KIAA1143: variants seen among roughly 807,000 people sequenced by gnomAD.
KIAA1143 encodes the protein uncharacterized protein KIAA1143.
In KIAA1143, 8 loss-of-function variants were observed where a neutral mutation model predicts 17.0. That is an observed-to-expected ratio of 0.47 (90% CI 0.28 to 0.85). The LOEUF is 0.85. KIAA1143 is among the 40% of genes least tolerant of loss of function. KIAA1143 has a pLI of 0.12. For missense variants in KIAA1143, 162 were observed against 183.3 expected (o/e 0.88, Z 0.67); for synonymous variants, 64 against 67.8 (o/e 0.94, Z 0.27).
chr3:44,756,120 G>C (rs1220999521), intron 1 of KIAA1143, among the ~76,000 whole-genome samples: 1 of 152,152 alleles, frequency 6.6e-6, no homozygotes, highest in Non-Finnish European at 1.5e-5. Flanking sequence ...CATTCCTTTT[G>C]TTTGTTAAAT....
chr3:44,755,868 C>T (rs1704960935), intron 1 of KIAA1143, among the ~76,000 whole-genome samples: 1 of 152,166 alleles, frequency 6.6e-6, no homozygotes, highest in South Asian at 2.1e-4. Context: ...CATGAATGAC[C>T]AACAGAATGG....
Position 44,749,600 on chromosome 3 carries a change from C to G in KIAA1143, c.*3741G>C, listed in dbSNP as rs965795523. 6.6e-6 allele frequency: 1 copy of G among 152,084 alleles called. No individual in the cohort carries two copies. Among genetic ancestry groups the G allele is most frequent in the Non-Finnish European group, 1.5e-5 (1 of 68,018 alleles). The allele number at this position is 152,084 out of a possible 1,614,324, so 9.4% of individuals were successfully genotyped here. ...GCTCAGACTTTAAAGTGCTTCCCCTCCCTTCCCTACCCCAACATTTGGAGA... is the reference window on the plus strand; with the variant it reads ...GCTCAGACTTTAAAGTGCTTCCCCTGCCTTCCCTACCCCAACATTTGGAGA... On this transcript the variant is annotated 3_prime_UTR_variant, in exon 3 of 3. Coordinates refer to ENST00000296121, the MANE Select transcript of KIAA1143 (RefSeq NM_020696.4).
chr3:44,756,387 C>A (rs1389589020), intron 1 of KIAA1143, among the ~76,000 whole-genome samples: 4 of 151,984 alleles, frequency 2.6e-5, no homozygotes, highest in Admixed American at 1.3e-4. Flanking sequence ...ATGGTGAAAC[C>A]CCCCGTCTCT....
At chr3:44,761,442 G>C (rs1575562204) in intron 1 of KIAA1143, 53 bp downstream of exon 1, 1 of 1,469,840 alleles carries the variant, frequency 6.8e-7, no homozygotes, top group Admixed American at 1.8e-5. Context: ...GGCAAAAGTT[G>C]AAAGTGGCGG....
chr3:44,758,768 T>C (rs966697580), intron 1 of KIAA1143, among the ~76,000 whole-genome samples: 2 of 152,178 alleles, frequency 1.3e-5, no homozygotes, highest in Non-Finnish European at 2.9e-5. Context: ...GTGTTTAGAA[T>C]GGTGAAGCCT....
intron 1 of KIAA1143, among the ~76,000 whole-genome samples, chr3:44,757,739 G>A (rs534289237): frequency 1.1e-4 from 17 of 152,244 alleles, no homozygotes; most frequent in Non-Finnish European, 2.2e-4. Flanking sequence ...GGGTTTCGGA[G>A]AGATGGTAAC....
Position 44,759,894 on chromosome 3 carries a change from CAAAAAAA to C in KIAA1143, c.108+1594_108+1600del, listed in dbSNP as rs527806223. 2.4e-3 allele frequency among the ~76,000 whole-genome samples: 123 copies of C among 51,112 alleles called. 8 individuals are homozygous for C. In the East Asian group the frequency reaches 0.092, roughly 38 times the overall value. The allele number at this position is 51,112 out of a possible 152,430, so 33.5% of individuals were successfully genotyped here. On this transcript the variant is annotated intron_variant, in intron 1 of 2. Coordinates refer to ENST00000296121, the MANE Select transcript of KIAA1143 (RefSeq NM_020696.4). ...TGGGCGACAGAGTGAGACCCTATCT[CAAAAAAA>C]AAAAAAAAAAAAAAGTCCTAGATGG...
At chr3:44,753,681 T>C (rs1421333285) in intron 2 of KIAA1143, 129 bp from the exon 3 acceptor site, 11 of 914,732 alleles carry the variant, frequency 1.2e-5, no homozygotes, top group Non-Finnish European at 1.4e-5. Context: ...TCTGGTCTTC[T>C]CCATTGTTTC....
Position 44,751,381 on chromosome 3 carries a change from A to G in KIAA1143, c.*1960T>C, listed in dbSNP as rs533036610. 247 of 152,332 alleles carry G rather than the reference A, an allele frequency of 1.6e-3. 2 individuals carry two copies. The highest frequency in any genetic ancestry group is 5.8e-3 in the African/African-American group (240 of 41,574). 9.4% of individuals were successfully genotyped at this position (152,332 alleles called of 1,614,324 possible). Reference sequence around the variant, plus strand: ...CTATCCTATTACCAACGCTTGTCCAAGGATTTTATGGAAAGCCTGGATAAC... The same window carrying G: ...CTATCCTATTACCAACGCTTGTCCAGGGATTTTATGGAAAGCCTGGATAAC... On this transcript the variant is annotated 3_prime_UTR_variant, in exon 3 of 3. Transcript: ENST00000296121.
At position 44,753,205 on chromosome 3, in the gene KIAA1143, G is replaced by A; in HGVS notation, c.*136C>T. 6 of 582,932 alleles carry A rather than the reference G, an allele frequency of 1.0e-5. No homozygotes were observed. Among genetic ancestry groups the A allele is most frequent in the South Asian group, 7.0e-5 (3 of 43,098 alleles). 36.1% of individuals were successfully genotyped at this position (582,932 alleles called of 1,614,324 possible). A position where few individuals can be genotyped will look rare whatever the true frequency, so the allele number is the denominator to read the frequency against. On this transcript the variant is annotated 3_prime_UTR_variant, in exon 3 of 3. Coordinates refer to ENST00000296121, the MANE Select transcript of KIAA1143 (RefSeq NM_020696.4). Reference sequence around the variant, plus strand: ...GTCAGAGGGGTATTGATGAATAGATGTAGTTTATTAAATTTTTTTCTCTAT... The same window carrying A: ...GTCAGAGGGGTATTGATGAATAGATATAGTTTATTAAATTTTTTTCTCTAT...
At chr3:44,758,601 C>G (rs1182483517) in intron 1 of KIAA1143, among the ~76,000 whole-genome samples, 2 of 152,102 alleles carry the variant, frequency 1.3e-5, no homozygotes, top group African/African-American at 4.8e-5. Flanking sequence ...ACTTCTAATT[C>G]TAGTTCTTTT....
At position 44,761,588 on chromosome 3, in the gene KIAA1143, G is replaced by C. The variant is rs1446788149; in HGVS notation, c.15C>G (p.Asn5Lys). The C allele has an allele frequency of 6.2e-7, 1 of 1,610,710 alleles. No individual in the cohort carries two copies. The highest frequency in any genetic ancestry group is 8.5e-7 in the Non-Finnish European group (1 of 1,179,460). Residue 5 changes from asparagine to lysine, a missense_variant, in exon 1 of 3, where the codon AAC becomes AAG. Coordinates refer to ENST00000296121, the MANE Select transcript of KIAA1143 (RefSeq NM_020696.4). MSKR[N>K]QVSYVRPAEP... is the part of the protein sequence containing the mutation. ...CGGCTGGCCGCACGTACGATACCTG[G>C]TTCCGCTTGCTCATGGTAGCTCTGG...
chr3:44,758,744 T>A (rs982835969), intron 1 of KIAA1143, among the ~76,000 whole-genome samples: 1 of 152,222 alleles, frequency 6.6e-6, no homozygotes, highest in Non-Finnish European at 1.5e-5. Context: ...CCATGAATCA[T>A]GGATGTTCTT....
At chr3:44,753,994 T>C (rs1477731272) in intron 2 of KIAA1143, among the ~76,000 whole-genome samples, 5 of 152,192 alleles carry the variant, frequency 3.3e-5, no homozygotes, top group African/African-American at 7.2e-5. Flanking sequence ...AATTCACACT[T>C]AATCCTGGTA....
chr3:44,753,569 T>G lies in KIAA1143; in HGVS notation c.254-17A>C, dbSNP rs1704923905. 2.5e-6 allele frequency: 4 copies of G among 1,593,950 alleles called. No homozygotes were observed. The East Asian group carries it at 8.9e-5, about 36-fold the overall frequency. ...GTTCTTCATCTGAGCAAAAACAGAATTTTTAAGAACTTTCTTCTCCTCATT... is the reference window on the plus strand; with the variant it reads ...GTTCTTCATCTGAGCAAAAACAGAAGTTTTAAGAACTTTCTTCTCCTCATT... On this transcript the variant is annotated splice_polypyrimidine_tract_variant and intron_variant, in intron 2 of 2. Transcript: ENST00000296121.
chr3:44,754,418 C>T (rs1704936896), intron 1 of KIAA1143, 50 bp from the exon 2 acceptor site: 1 of 1,491,580 alleles, frequency 6.7e-7, no homozygotes, highest in African/African-American at 1.6e-5. Flanking sequence ...TTGAGACAAA[C>T]AGAACCACTG....
At chr3:44,754,002 G>C (rs1704929049) in intron 2 of KIAA1143, among the ~76,000 whole-genome samples, 1 of 151,574 alleles carries the variant, frequency 6.6e-6, no homozygotes, top group Non-Finnish European at 1.5e-5. Flanking sequence ...CTTAATCCTG[G>C]TAACAACCCA....
At chr3:44,760,594 T>G (rs2125882264) in intron 1 of KIAA1143, among the ~76,000 whole-genome samples, 1 of 152,044 alleles carries the variant, frequency 6.6e-6, no homozygotes, top group Middle Eastern at 3.4e-3. Context: ...TTTCACTGTT[T>G]TAGCCAGGAT....
chr3:44,757,536 A>G (rs909072805), intron 1 of KIAA1143, among the ~76,000 whole-genome samples: 3 of 152,224 alleles, frequency 2.0e-5, no homozygotes, highest in African/African-American at 7.2e-5. Flanking sequence ...ACTGTTACCC[A>G]CTACTTCGTG....
Sources: gnomAD v4.1 joint callset for allele counts (sites outside exome capture counted in the v4.1 genomes callset) on GRCh38, gnomAD v4.1.1 for gene constraint, MANE v1.5 for transcripts, NCBI Gene and HGNC (gene_info 2026-07-23, HGNC 2026-07-21) for gene names.